PNMA2: variants seen among roughly 807,000 people sequenced by gnomAD.
The protein encoded by PNMA2 is PNMA family member 2.
For synonymous variants in PNMA2, 175 were observed against 183.5 expected, an observed-to-expected ratio of 0.95 and a Z score of 0.38; for missense variants, 455 against 452.9, an observed-to-expected ratio of 1.00 and a Z score of -0.04.
chr8:26,506,682 G>A lies in PNMA2; in HGVS notation c.*979C>T, dbSNP rs1057420552. On this transcript the variant is annotated 3_prime_UTR_variant, in exon 3 of 3. Coordinates refer to ENST00000522362, the MANE Select transcript of PNMA2 (RefSeq NM_007257.6). This position sits in a 1 kb window ranked among gnomAD's most constrained non-coding sequence, Gnocchi z 4.4. Reference sequence around the variant, plus strand: ...ACTGGGTGATGACACTTTTACTGGGGTGATGAACTTATTTACACAAAGGGT... The same window carrying A: ...ACTGGGTGATGACACTTTTACTGGGATGATGAACTTATTTACACAAAGGGT... The A allele has an allele frequency of 1.3e-5, 2 of 152,292 alleles. No individual in the cohort carries two copies. The highest frequency in any genetic ancestry group is 2.4e-5 in the African/African-American group (1 of 41,470). The allele number at this position is 152,292 out of a possible 1,614,324, so 9.4% of individuals were successfully genotyped here.
In PNMA2 at chr8:26,509,000, A is replaced by C; in HGVS notation, c.-245T>G. On this transcript the variant is annotated 5_prime_UTR_variant, in exon 3 of 3. Transcript: ENST00000522362. The surrounding 1 kb of genome is among the most constrained non-coding windows in gnomAD (Gnocchi z 5.5). ...GGCCTGACCCAGGTGGGCAGGTCGT[A>C]TCTCAGTTCTAACCACACCTGTGCC... 9.7e-7 allele frequency: 1 copy of C among 1,034,106 alleles called. No individual in the cohort carries two copies. Among genetic ancestry groups the C allele is most frequent in the Non-Finnish European group, 1.3e-6 (1 of 773,920 alleles). The allele number at this position is 1,034,106 out of a possible 1,614,324, so 64.1% of individuals were successfully genotyped here.
rs1035055138 is a variant in PNMA2, at chr8:26,505,699, A to T, written c.*1962T>A. 2 of 152,260 alleles carry T rather than the reference A, an allele frequency of 1.3e-5. No individual in the cohort carries two copies. The highest frequency in any genetic ancestry group is 4.8e-5 in the African/African-American group (2 of 41,468). 9.4% of individuals were successfully genotyped at this position (152,260 alleles called of 1,614,324 possible). On this transcript the variant is annotated 3_prime_UTR_variant, in exon 3 of 3. Transcript: ENST00000522362. The stretch of plus-strand genomic sequence containing the variant: ...ATCTAGCTGCATTTACTAGAGACTT[A>T]AAGAGTTTAGCCCAGGCATGGTGGC...
chr8:26,508,197 G>C lies in PNMA2; in HGVS notation c.559C>G (p.Gln187Glu). ...CACTCTTTGACTATCTCCGTGGCCT[G>C]TTCCAACCAGACCTCAAAGGACTCT... ...EEESFEVWLE[Q>E]ATEIVKEWPV... Residue 187 changes from glutamine (Q) to glutamate (E), a missense_variant, in exon 3 of 3, where the codon CAG (glutamine) becomes GAG (glutamate). Physicochemically the swap from Gln to Glu is conservative, Grantham distance 29. Transcript: ENST00000522362. The surrounding 1 kb of genome is among the most constrained non-coding windows in gnomAD (Gnocchi z 5.5). 6.2e-7 allele frequency: 1 copy of C among 1,612,954 alleles called. No individual in the cohort carries two copies. Among genetic ancestry groups the C allele is most frequent in the Non-Finnish European group, 8.5e-7 (1 of 1,179,476 alleles).
chr8:26,512,005 T>TAGGGCC (rs1376892192), intron 1 of PNMA2, among the ~76,000 whole-genome samples: 1 of 152,036 alleles, frequency 6.6e-6, no homozygotes, highest in Non-Finnish European at 1.5e-5. Flanking sequence ...TGATATACAA[T>TAGGGCC]AGGGCCATGG....
rs751915924 is a variant in PNMA2 at position 26,508,799 on chromosome 8, G to A, written c.-44C>T. 44 of 1,566,554 alleles carry A rather than the reference G, an allele frequency of 2.8e-5. No individual in the cohort carries two copies. The Admixed American group carries it at 7.9e-4, about 28-fold the overall frequency. On this transcript the variant is annotated 5_prime_UTR_variant, in exon 3 of 3. Coordinates refer to ENST00000522362, the MANE Select transcript of PNMA2 (RefSeq NM_007257.6). This position sits in a 1 kb window ranked among gnomAD's most constrained non-coding sequence, Gnocchi z 5.5. ...ACTCTGACTCTACAGGCACCAATTTGTTAGTGGTGCAGCTATGCACTGACT... is the reference window on the plus strand; with the variant it reads ...ACTCTGACTCTACAGGCACCAATTTATTAGTGGTGCAGCTATGCACTGACT...
chr8:26,507,997 C>G lies in PNMA2; in HGVS notation c.759G>C (p.Arg253Ser), dbSNP rs1808076306. The G allele has an allele frequency of 1.2e-6, 2 of 1,614,108 alleles. No homozygotes were observed. Among genetic ancestry groups the G allele is most frequent in the African/African-American group, 1.3e-5 (1 of 74,950 alleles). Residue 253 changes from arginine (R) to serine (S), a missense_variant, in exon 3 of 3, where the codon AGG (arginine) becomes AGC (serine). Physicochemically the swap from Arg to Ser is moderately radical, Grantham distance 110. Coordinates refer to ENST00000522362, the MANE Select transcript of PNMA2 (RefSeq NM_007257.6). ...CTTCCTCCTGATAGGTCTTCAGATA[C>G]CTCACCTGGGCTGTCCTGCGGCTCT... The part of the protein sequence containing the change: ...SLESRRTAQV[R>S]YLKTYQEEGE...
intron 1 of PNMA2, among the ~76,000 whole-genome samples, chr8:26,511,415 A>G (rs1361011758): frequency 6.6e-6 from 1 of 152,198 alleles, no homozygotes; most frequent in Admixed American, 6.5e-5. Context: ...CCCTGTGCCC[A>G]GGAGCCCCAG....
At position 26,507,609 on chromosome 8, in the gene PNMA2, A is replaced by T. The variant is rs201216184; in HGVS notation, c.*52T>A. ...TCAGTCCCATACATTAAAGAAAAAA[A>T]TTTTTTAAAGGTCTTAGCCCACTGG... On this transcript the variant is annotated 3_prime_UTR_variant, in exon 3 of 3. Transcript: ENST00000522362. The T allele has an allele frequency of 1.5e-4, 224 of 1,491,986 alleles. No individual in the cohort carries two copies. The highest frequency in any genetic ancestry group is 2.5e-4 in the East Asian group (11 of 43,304). The allele number at this position is 1,491,986 out of a possible 1,614,324, so 92.4% of individuals were successfully genotyped here. A position where few individuals can be genotyped will look rare whatever the true frequency, so the allele number is the denominator to read the frequency against.
Position 26,506,955 on chromosome 8 carries a change from C to T in PNMA2, c.*706G>A, listed in dbSNP as rs575172871. 9 of 151,786 alleles carry T rather than the reference C, an allele frequency of 5.9e-5. No homozygotes were observed. Among genetic ancestry groups the T allele is most frequent in the African/African-American group, 2.2e-4 (9 of 41,404 alleles). 9.4% of individuals were successfully genotyped at this position (151,786 alleles called of 1,614,324 possible). A position where few individuals can be genotyped will look rare whatever the true frequency, so the allele number is the denominator to read the frequency against. On this transcript the variant is annotated 3_prime_UTR_variant, in exon 3 of 3. Coordinates refer to ENST00000522362, the MANE Select transcript of PNMA2 (RefSeq NM_007257.6). The surrounding 1 kb of genome is among the most constrained non-coding windows in gnomAD (Gnocchi z 4.4). ...CAAAAGGTATTTTTTTTTTTGACTG[C>T]CAATTCTTTCTTCTATGGTATGGGC...
chr8:26,508,767 T>C lies in PNMA2; in HGVS notation c.-12A>G. 6.2e-7 allele frequency: 1 copy of C among 1,601,388 alleles called. No homozygotes were observed. The highest frequency in any genetic ancestry group is 8.5e-7 in the Non-Finnish European group (1 of 1,174,212). Reference sequence around the variant, plus strand: ...AGTGCCAGCGCCATTGTCCTAAGAATTGACCCACTCTGACTCTACAGGCAC... The same window carrying C: ...AGTGCCAGCGCCATTGTCCTAAGAACTGACCCACTCTGACTCTACAGGCAC... On this transcript the variant is annotated 5_prime_UTR_variant, in exon 3 of 3. Coordinates refer to ENST00000522362, the MANE Select transcript of PNMA2 (RefSeq NM_007257.6). This position sits in a 1 kb window ranked among gnomAD's most constrained non-coding sequence, Gnocchi z 5.5.
Position 26,508,800 on chromosome 8 carries a change from TTAG to T in PNMA2, c.-48_-46del. On this transcript the variant is annotated 5_prime_UTR_variant, in exon 3 of 3. Transcript: ENST00000522362. The surrounding 1 kb of genome is among the most constrained non-coding windows in gnomAD (Gnocchi z 5.5). ...CTCTGACTCTACAGGCACCAATTTG[TTAG>T]TGGTGCAGCTATGCACTGACTTAAT... is the stretch of plus-strand genomic sequence containing the variant. 3 of 1,566,410 alleles carry T rather than the reference TTAG, an allele frequency of 1.9e-6. No homozygotes were observed. Among genetic ancestry groups the T allele is most frequent in the Non-Finnish European group, 2.6e-6 (3 of 1,158,890 alleles).
chr8:26,505,191 C>T lies in PNMA2; in HGVS notation c.*2470G>A, dbSNP rs1166078683. ...AGCAGACAGGAACATCGTGAAAATC[C>T]TAAGAGCTTCAATGTATTGAGGGCT... On this transcript the variant is annotated 3_prime_UTR_variant, in exon 3 of 3. Coordinates refer to ENST00000522362, the MANE Select transcript of PNMA2 (RefSeq NM_007257.6). The T allele has an allele frequency of 6.5e-6, 1 of 153,172 alleles. No individual in the cohort carries two copies. The highest frequency in any genetic ancestry group is 1.5e-5 in the Non-Finnish European group (1 of 68,288). The allele number at this position is 153,172 out of a possible 1,614,324, so 9.5% of individuals were successfully genotyped here.
Position 26,508,782 on chromosome 8 carries a change from T to G in PNMA2, c.-27A>C. ...GTCCTAAGAATTGACCCACTCTGAC[T>G]CTACAGGCACCAATTTGTTAGTGGT... On this transcript the variant is annotated 5_prime_UTR_variant, in exon 3 of 3. Coordinates refer to ENST00000522362, the MANE Select transcript of PNMA2 (RefSeq NM_007257.6). The surrounding 1 kb of genome is among the most constrained non-coding windows in gnomAD (Gnocchi z 5.5). 1 of 1,581,400 alleles carries G rather than the reference T, an allele frequency of 6.3e-7. No homozygotes were observed. The highest frequency in any genetic ancestry group is 8.6e-7 in the Non-Finnish European group (1 of 1,165,828).
Position 26,507,673 on chromosome 8 carries a change from C to T in PNMA2, c.1083G>A (p.Glu361=). 6.4e-7 allele frequency: 1 copy of T among 1,554,416 alleles called. No individual in the cohort carries two copies. Among genetic ancestry groups the T allele is most frequent in the Non-Finnish European group, 8.7e-7 (1 of 1,152,704 alleles). Residue 361 remains glutamate (E), a synonymous_variant, in exon 3 of 3, where the codon GAG becomes GAA. Coordinates refer to ENST00000522362, the MANE Select transcript of PNMA2 (RefSeq NM_007257.6). ...ERDGYGRWNH[E]GDD ...CCCCAGGTGGTTTTCAGTCGTCTCC[C>T]TCATGATTCCAGCGGCCATAGCCAT... is the stretch of plus-strand genomic sequence containing the variant.
rs1197331256 is a variant in PNMA2 at position 26,507,917 on chromosome 8, A to G, written c.839T>C (p.Val280Ala). 6.2e-7 allele frequency: 1 copy of G among 1,614,024 alleles called. No homozygotes were observed. The highest frequency in any genetic ancestry group is 1.1e-5 in the South Asian group (1 of 91,082). Residue 280 changes from valine to alanine, a missense_variant, in exon 3 of 3, where the codon GTG becomes GCG. Physicochemically the swap from Val to Ala is moderately conservative, Grantham distance 64 (BLOSUM62 0). Coordinates refer to ENST00000522362, the MANE Select transcript of PNMA2 (RefSeq NM_007257.6). ...ACGCCGAGGGATGGCGCGTTTCTCC[A>G]CCGCTCTCCGGAGCAGGGTTTCTAG... ...LRLETLLRRA[V>A]EKRAIPRRIA... is the part of the protein sequence containing the mutation.
rs1447606870 is a variant in PNMA2 at position 26,508,432 on chromosome 8, C to G, written c.324G>C (p.Leu108=). 1.2e-6 allele frequency: 2 copies of G among 1,614,240 alleles called. No homozygotes were observed. The highest frequency in any genetic ancestry group is 2.2e-5 in the East Asian group (1 of 44,886). ...QDTEFLERLN[L]FLEKEGQTVS... is the part of the protein sequence containing the mutation. ...CCGTCTGCCCCTCTTTTTCTAGAAA[C>G]AGGTTCAATCTTTCAAGAAACTCAG... Residue 108 remains leucine, a synonymous_variant, in exon 3 of 3, where the codon CTG becomes CTC. Transcript: ENST00000522362. This position sits in a 1 kb window ranked among gnomAD's most constrained non-coding sequence, Gnocchi z 5.5.
In PNMA2 at chr8:26,508,605, G is replaced by A. The variant is rs1314184404; in HGVS notation, c.151C>T (p.Leu51=). ...TGCTTCCGGAATATCTTGCCAAGCA[G>A]TCTATACCTGCCCAGAGACTTTAAA... ...ETLKSLGRYR[L]LGKIFRKQEN... Residue 51 remains leucine (L), a synonymous_variant, in exon 3 of 3, where the codon CTG becomes TTG. Transcript: ENST00000522362. The surrounding 1 kb of genome is among the most constrained non-coding windows in gnomAD (Gnocchi z 5.5). 2 of 1,614,052 alleles carry A rather than the reference G, an allele frequency of 1.2e-6. No individual in the cohort carries two copies. The highest frequency in any genetic ancestry group is 1.7e-6 in the Non-Finnish European group (2 of 1,180,044).
Position 26,508,557 on chromosome 8 carries a change from G to A in PNMA2, c.199C>T (p.Leu67=), listed in dbSNP as rs1349604660. 3 of 1,614,202 alleles carry A rather than the reference G, an allele frequency of 1.9e-6. No homozygotes were observed. The highest frequency in any genetic ancestry group is 1.7e-6 in the Non-Finnish European group (2 of 1,180,038). ...RKQENANAVL[L]ELLEDTDVSA... Reference sequence around the variant, plus strand: ...ACATCAGTATCTTCCAGAAGCTCTAGTAAGACAGCATTGGCATTCTCCTGC... The same window carrying A: ...ACATCAGTATCTTCCAGAAGCTCTAATAAGACAGCATTGGCATTCTCCTGC... The change falls in exon 3 of 3, where the codon CTA becomes TTA. Residue 67 remains leucine (L), a synonymous_variant. Transcript: ENST00000522362. The surrounding 1 kb of genome is among the most constrained non-coding windows in gnomAD (Gnocchi z 5.5).
At chr8:26,510,556 C>CT (rs1808132921) in intron 1 of PNMA2, among the ~76,000 whole-genome samples, 1 of 152,142 alleles carries the variant, frequency 6.6e-6, no homozygotes, top group Non-Finnish European at 1.5e-5. Context: ...TCAAGCAATC[C>CT]TCCCACCTCG....
Sources: gnomAD v4.1 joint callset for allele counts (sites outside exome capture counted in the v4.1 genomes callset) on GRCh38, gnomAD v4.1.1 for gene constraint, Gnocchi (gnomAD v3.1) non-coding constraint, MANE v1.5 for transcripts, NCBI Gene and HGNC (gene_info 2026-07-23, HGNC 2026-07-21) for gene names.